Variants in PTPRN2 observed in about 807,000 individuals in gnomAD.
PTPRN2 encodes the protein protein tyrosine phosphatase receptor type N2, also known as receptor-type tyrosine-protein phosphatase N2.
Under a neutral mutation model 118.8 loss-of-function variants are expected in PTPRN2, and 74 were observed. The observed-to-expected ratio is 0.62, with a 90% CI of 0.52 to 0.76. The LOEUF (loss-of-function observed/expected upper bound fraction) is 0.76, where lower values mean the gene tolerates loss of function less well. Among genes scored for constraint, PTPRN2 ranks in the 30% least tolerant of loss-of-function variants. PTPRN2 has a pLI of 0.00. For synonymous variants in PTPRN2, 641 were observed against 608.0 expected (o/e 1.05, Z -0.80); for missense variants, 1,481 against 1,394.4 (o/e 1.06, Z -0.99).
chr7:157,681,315 T>C (rs1796906731), intron 13 of PTPRN2, among the ~76,000 whole-genome samples: 1 of 152,226 alleles, frequency 6.6e-6, no homozygotes, highest in Admixed American at 6.5e-5. Context: ...GCATCCTACA[T>C]TGAAGGTCTT....
chr7:157,747,766 T>C (rs1304766908), intron 12 of PTPRN2, among the ~76,000 whole-genome samples: 2 of 118,260 alleles, frequency 1.7e-5, no homozygotes. Context: ...GCTGTCCGGG[T>C]GATTCTGAGG....
chr7:158,297,308 A>G (rs1386316685), intron 3 of PTPRN2, among the ~76,000 whole-genome samples: 1 of 152,176 alleles, frequency 6.6e-6, no homozygotes, highest in Admixed American at 6.5e-5. Context: ...CAATCTGGGA[A>G]CCTATTCTGA....
chr7:158,392,723 G>T (rs372573337), intron 2 of PTPRN2, among the ~76,000 whole-genome samples: 196 of 152,292 alleles, frequency 1.3e-3, no homozygotes, highest in African/African-American at 4.5e-3. Context: ...CAAGGGGCAG[G>T]GTCCTTGGAA....
intron 2 of PTPRN2, among the ~76,000 whole-genome samples, chr7:158,482,996 C>T (rs1162226624): frequency 6.6e-6 from 1 of 152,214 alleles, no homozygotes; most frequent in African/African-American, 2.4e-5. Flanking sequence ...AGGGGAATGT[C>T]CTTATCTCCG....
At chr7:158,188,635 C>T (rs1825477054) in intron 5 of PTPRN2, among the ~76,000 whole-genome samples, 1 of 130,674 alleles carries the variant, frequency 7.7e-6, no homozygotes, top group Non-Finnish European at 1.6e-5. Context: ...ATGGGGAAGG[C>T]CGCCACGCTC....
At chr7:158,083,443 G>T (rs927553454) in intron 10 of PTPRN2, among the ~76,000 whole-genome samples, 1 of 152,184 alleles carries the variant, frequency 6.6e-6, no homozygotes, top group African/African-American at 2.4e-5. Flanking sequence ...CACATCTGAA[G>T]ATTCCCTGAC....
chr7:157,613,065 G>C (rs2150605947), intron 15 of PTPRN2, among the ~76,000 whole-genome samples: 1 of 152,208 alleles, frequency 6.6e-6, no homozygotes, highest in South Asian at 2.1e-4. Flanking sequence ...GAGGCAGGGA[G>C]AGCCCTGCGG....
At position 157,764,072 on chromosome 7, in the gene PTPRN2, A is replaced by AAC. The variant is rs900359942; in HGVS notation, c.1789-81137_1789-81136dup. On this transcript the variant is annotated intron_variant, in intron 12 of 22. Transcript: ENST00000389418. This position sits in a 1 kb window ranked among gnomAD's most constrained non-coding sequence, Gnocchi z 4.5. The stretch of plus-strand genomic sequence containing the variant: ...GCACCCTCTAGGATGGCCGTAACTA[A>AAC]ACACACACACACAACAAAAACGTGC... 1.1e-4 allele frequency among the ~76,000 whole-genome samples: 16 copies of AAC among 152,194 alleles called. No homozygotes were observed. Among genetic ancestry groups the AAC allele is most frequent in the Admixed American group, 5.2e-4 (8 of 15,286 alleles).
intron 21 of PTPRN2, among the ~76,000 whole-genome samples, chr7:157,563,247 C>T (rs1210221131): frequency 5.6e-5 from 8 of 141,908 alleles, no homozygotes; most frequent in African/African-American, 2.2e-4. Flanking sequence ...CCCGCGTCAC[C>T]ACACACAGCA....
chr7:157,952,003 G>A (rs78765289), intron 11 of PTPRN2, among the ~76,000 whole-genome samples: 2,563 of 152,288 alleles, frequency 0.017, 108 homozygotes, highest in East Asian at 0.16. Flanking sequence ...CCTGCGCCCC[G>A]CACTGCGTTC....
Position 157,953,200 on chromosome 7 carries a change from C to A in PTPRN2, c.1724-54463G>T, listed in dbSNP as rs1206283061. ...TACCCGTGTGCAGCTTGCACAGAGTCCCCAGCAGCTCTGGGGAGGGCTCCG... is the reference window on the plus strand; with the variant it reads ...TACCCGTGTGCAGCTTGCACAGAGTACCCAGCAGCTCTGGGGAGGGCTCCG... On this transcript the variant is annotated intron_variant, in intron 11 of 22. Coordinates refer to ENST00000389418, the MANE Select transcript of PTPRN2 (RefSeq NM_002847.5). This position sits in a 1 kb window ranked among gnomAD's most constrained non-coding sequence, Gnocchi z 4.6. Among the ~76,000 whole-genome samples, 1 of 152,202 alleles carries A rather than the reference C, an allele frequency of 6.6e-6. No individual in the cohort carries two copies. Among genetic ancestry groups the A allele is most frequent in the Admixed American group, 6.5e-5 (1 of 15,286 alleles).
intron 2 of PTPRN2, among the ~76,000 whole-genome samples, chr7:158,396,015 G>C (rs1812465283): frequency 6.6e-6 from 1 of 152,092 alleles, no homozygotes; most frequent in Admixed American, 6.5e-5. Flanking sequence ...CAGAGCTGCT[G>C]CCCTGGCCCA....
At chr7:158,409,601 G>A (rs940584135) in intron 2 of PTPRN2, among the ~76,000 whole-genome samples, 2 of 152,154 alleles carry the variant, frequency 1.3e-5, no homozygotes, top group African/African-American at 2.4e-5. Flanking sequence ...GAGAATTTAC[G>A]AAGCATCCAA....
intron 6 of PTPRN2, among the ~76,000 whole-genome samples, chr7:158,154,560 C>T (rs1001978659): frequency 1.2e-4 from 18 of 152,046 alleles, no homozygotes; most frequent in African/African-American, 4.3e-4. Flanking sequence ...ATACAACTGC[C>T]CTGAAATAAA....
chr7:158,084,641 G>A (rs989406721), intron 10 of PTPRN2, among the ~76,000 whole-genome samples: 15 of 149,556 alleles, frequency 1.0e-4, no homozygotes, highest in African/African-American at 3.2e-4. Flanking sequence ...CCACACCCAC[G>A]ACACTCATCC....
At chr7:158,307,212 T>C (rs1471999868) in intron 3 of PTPRN2, among the ~76,000 whole-genome samples, 1 of 152,118 alleles carries the variant, frequency 6.6e-6, no homozygotes, top group African/African-American at 2.4e-5. Context: ...AAGAACAATG[T>C]CTAAAGAGCT....
In PTPRN2 at chr7:158,076,925, G is replaced by A. The variant is rs548351145; in HGVS notation, c.1723+4373C>T. Among the ~76,000 whole-genome samples the A allele has an allele frequency of 1.8e-4, 27 of 152,336 alleles. 1 individual carries two copies. Among genetic ancestry groups the A allele is most frequent in the African/African-American group, 6.0e-4 (25 of 41,584 alleles). ...TGATGCATTGCCGAAGACAGAATCC[G>A]CACGGAGCGGACCAGACTGTGAAGC... is the stretch of plus-strand genomic sequence containing the variant. On this transcript the variant is annotated intron_variant, in intron 11 of 22. Transcript: ENST00000389418.
intron 3 of PTPRN2, among the ~76,000 whole-genome samples, chr7:158,288,449 T>A (rs1350227663): frequency 6.6e-6 from 1 of 152,192 alleles, no homozygotes; most frequent in Non-Finnish European, 1.5e-5. Flanking sequence ...ATCTTTGGCA[T>A]ATCTACTAAG....
At chr7:158,189,513 C>T (rs1289935217) in intron 5 of PTPRN2, among the ~76,000 whole-genome samples, 2 of 152,252 alleles carry the variant, frequency 1.3e-5, no homozygotes, top group Admixed American at 6.5e-5. Context: ...TTCAGTAGCC[C>T]GTGAAGAGGG....
Sources: allele counts gnomAD v4.1 joint callset (sites outside exome capture counted in the v4.1 genomes callset), GRCh38; gene constraint gnomAD v4.1.1; non-coding constraint Gnocchi (gnomAD v3.1); transcripts MANE v1.5; gene names NCBI Gene and HGNC (gene_info 2026-07-23, HGNC 2026-07-21).